GPC6: variants seen among roughly 807,000 people sequenced by gnomAD.
The protein encoded by GPC6 is glypican 6.
Under a neutral mutation model 55.2 loss-of-function variants are expected in GPC6, and 14 were observed. That is an observed-to-expected ratio of 0.25 (90% CI 0.17 to 0.40). The LOEUF (loss-of-function observed/expected upper bound fraction) is 0.40, where lower values mean the gene tolerates loss of function less well. Among genes scored for constraint, GPC6 ranks in the 10% least tolerant of loss-of-function variants. GPC6 has a pLI of 1.00. For missense variants in GPC6, 641 were observed against 708.5 expected, an observed-to-expected ratio of 0.90 and a Z score of 1.08; for synonymous variants, 278 against 259.6, an observed-to-expected ratio of 1.07 and a Z score of -0.68.
chr13:93,382,936 C>A (rs1182538641), intron 1 of GPC6, among the ~76,000 whole-genome samples: 2 of 152,124 alleles, frequency 1.3e-5, no homozygotes, highest in Non-Finnish European at 2.9e-5. Context: ...TCTGCCCCCA[C>A]CCATCCTTTC....
chr13:94,258,272 C>T (rs1454159753), intron 4 of GPC6, among the ~76,000 whole-genome samples: 1 of 152,184 alleles, frequency 6.6e-6, no homozygotes, highest in East Asian at 1.9e-4. Flanking sequence ...GAACAACTCC[C>T]CGGGGCCGAC....
At chr13:93,826,076 T>C (rs1594492274) in intron 2 of GPC6, among the ~76,000 whole-genome samples, 1 of 151,878 alleles carries the variant, frequency 6.6e-6, no homozygotes, top group African/African-American at 2.4e-5. Flanking sequence ...TCCAGGCTGG[T>C]CTCGAACTCC....
Position 93,560,583 on chromosome 13 carries a change from C to T in GPC6, c.319+15162C>T, listed in dbSNP as rs1040119642. On this transcript the variant is annotated intron_variant, in intron 2 of 8. Transcript: ENST00000377047. ...TTTTGCTTAATACCTTGGCCGGGAG[C>T]GGTGGCTCATGCCTGTAATCCCAGC... 1.1e-4 allele frequency among the ~76,000 whole-genome samples: 16 copies of T among 151,132 alleles called. No homozygotes were observed. In the South Asian group the frequency reaches 2.1e-3, roughly 20 times the overall value.
At chr13:94,087,142 A>G (rs1885312827) in intron 4 of GPC6, among the ~76,000 whole-genome samples, 1 of 152,270 alleles carries the variant, frequency 6.6e-6, no homozygotes, top group South Asian at 2.1e-4. Flanking sequence ...ATAGATTTAA[A>G]TGGGATATTT....
chr13:94,023,061 A>G (rs914606463), intron 3 of GPC6, among the ~76,000 whole-genome samples: 2 of 152,062 alleles, frequency 1.3e-5, no homozygotes, highest in African/African-American at 2.4e-5. Flanking sequence ...AAAAATCCAC[A>G]TTACCAACTA....
At chr13:94,197,033 G>A (rs1889598143) in intron 4 of GPC6, among the ~76,000 whole-genome samples, 3 of 148,550 alleles carry the variant, frequency 2.0e-5, no homozygotes, top group African/African-American at 7.3e-5. Context: ...TCAAAATGTG[G>A]GTTTTTTTTA....
chr13:93,864,851 G>A (rs193280721), intron 3 of GPC6, among the ~76,000 whole-genome samples: 9 of 151,720 alleles, frequency 5.9e-5, no homozygotes, highest in Admixed American at 3.3e-4. Context: ...TTGTCCAGGC[G>A]GTAAATCCTT....
At chr13:93,545,845 A>C (rs1874760769) in intron 2 of GPC6, among the ~76,000 whole-genome samples, 1 of 152,212 alleles carries the variant, frequency 6.6e-6, no homozygotes, top group Non-Finnish European at 1.5e-5. Context: ...TGTCAGCAAC[A>C]CAGATTCCTT....
intron 1 of GPC6, among the ~76,000 whole-genome samples, chr13:93,423,807 A>T (rs1392932627): frequency 6.6e-6 from 1 of 152,120 alleles, no homozygotes; most frequent in Non-Finnish European, 1.5e-5. Context: ...AAATCAATAG[A>T]AAGTGCTTCA....
intron 2 of GPC6, among the ~76,000 whole-genome samples, chr13:93,665,827 C>A (rs1020881843): frequency 2.6e-5 from 4 of 152,104 alleles, no homozygotes; most frequent in African/African-American, 9.7e-5. Flanking sequence ...AAGTTAACTT[C>A]ATCCTGTCTT....
intron 2 of GPC6, among the ~76,000 whole-genome samples, chr13:93,730,377 C>A (rs886505450): frequency 6.6e-6 from 1 of 152,198 alleles, no homozygotes; most frequent in Admixed American, 6.5e-5. Context: ...AAATCATACT[C>A]ACACTCTCAC....
intron 4 of GPC6, among the ~76,000 whole-genome samples, chr13:94,112,346 C>A (rs188009584): frequency 1.3e-5 from 2 of 152,072 alleles, no homozygotes; most frequent in Non-Finnish European, 2.9e-5. Context: ...AACAATCTAC[C>A]GCCTTCCTTG....
intron 4 of GPC6, among the ~76,000 whole-genome samples, chr13:94,098,362 T>C (rs1885738589): frequency 6.6e-6 from 1 of 152,204 alleles, no homozygotes; most frequent in Non-Finnish European, 1.5e-5. Context: ...CCTTAGCCTA[T>C]CTAGACAATT....
At chr13:94,042,422 A>G (rs909493003) in intron 4 of GPC6, among the ~76,000 whole-genome samples, 1 of 151,902 alleles carries the variant, frequency 6.6e-6, no homozygotes. Context: ...ACTAAATTAC[A>G]TACCTCATTT....
chr13:93,880,750 G>A (rs1161501389), intron 3 of GPC6, among the ~76,000 whole-genome samples: 3 of 151,758 alleles, frequency 2.0e-5, no homozygotes, highest in African/African-American at 4.8e-5. Flanking sequence ...AACCATTATT[G>A]CCTCACAGTA....
intron 2 of GPC6, among the ~76,000 whole-genome samples, chr13:93,788,866 A>G (rs550502783): frequency 7.9e-5 from 12 of 152,270 alleles, no homozygotes; most frequent in Admixed American, 5.9e-4. Context: ...ACAGCAAGAC[A>G]ACTGCATGGA....
intron 1 of GPC6, among the ~76,000 whole-genome samples, chr13:93,372,542 A>G (rs564816931): frequency 3.9e-5 from 6 of 152,300 alleles, no homozygotes; most frequent in African/African-American, 1.4e-4. Flanking sequence ...TATGGGGTAG[A>G]TACTATTTTA....
chr13:93,778,256 A>AT (rs377550251), intron 2 of GPC6, among the ~76,000 whole-genome samples: 2 of 151,956 alleles, frequency 1.3e-5, no homozygotes, highest in Non-Finnish European at 2.9e-5. Flanking sequence ...CCTTTGACAG[A>AT]TTTTTTTTCT....
At chr13:93,579,977 T>A (rs1294701387) in intron 2 of GPC6, among the ~76,000 whole-genome samples, 1 of 152,124 alleles carries the variant, frequency 6.6e-6, no homozygotes, top group Non-Finnish European at 1.5e-5. Flanking sequence ...TGTAGAAAAT[T>A]CAGAAGTAAA....
Sources: allele counts gnomAD v4.1 joint callset (sites outside exome capture counted in the v4.1 genomes callset), GRCh38; gene constraint gnomAD v4.1.1; transcripts MANE v1.5; gene names NCBI Gene and HGNC (gene_info 2026-07-23, HGNC 2026-07-21).